The following FAM9C variants were observed in gnomAD, a reference collection of about 807,000 sequenced individuals.
FAM9C encodes the protein family with sequence similarity 9 member C.
Under a neutral mutation model 14.8 loss-of-function variants are expected in FAM9C, and 15 were observed. That is an observed-to-expected ratio of 1.02 (90% CI 0.68 to 1.56). The LOEUF (loss-of-function observed/expected upper bound fraction) is 1.56, where lower values mean the gene tolerates loss of function less well. FAM9C is among the 40% of genes most tolerant of loss of function. The probability of loss-of-function intolerance (pLI) is 0.00; values close to 1 mark genes in which losing one functional copy is unlikely to be tolerated. For missense variants in FAM9C, 116 were observed against 118.0 expected (o/e 0.98, Z 0.08); for synonymous variants, 45 against 37.5 (o/e 1.20, Z -0.74).
At chrX:13,038,240 G>T in intron 7 of FAM9C, 176 bp downstream of exon 7, 1 of 336,550 alleles carries the variant, frequency 3.0e-6, no homozygotes, top group Non-Finnish European at 5.1e-6. Context: ...GTTATTTTAT[G>T]TTATTTACTA....
chrX:13,038,469 T>C lies in FAM9C; in HGVS notation c.473A>G (p.Gln158Arg). The C allele has an allele frequency of 8.3e-7, 1 of 1,207,532 alleles. No homozygotes were observed. Among genetic ancestry groups the C allele is most frequent in the African/African-American group, 1.7e-5 (1 of 57,739 alleles). The change falls in exon 7 of 8, where the codon CAA (glutamine) becomes CGA (arginine). Residue 158 changes from glutamine (Q) to arginine (R), a missense_variant. Transcript: ENST00000380625. Reference sequence around the variant, plus strand: ...ATCTCTTTCAGTTCCTTTCCCATCTTGTTGCCACCTCTTTTGTTGCTCTTG... The same window carrying C: ...ATCTCTTTCAGTTCCTTTCCCATCTCGTTGCCACCTCTTTTGTTGCTCTTG... Reference protein sequence around the residue: ...IFQEQQKRWQQDGKGTERD With the variant: ...IFQEQQKRWQRDGKGTERD
chrX:13,039,470 C>T (rs1317251724), intron 6 of FAM9C, among the ~76,000 whole-genome samples: 1 of 111,616 alleles, frequency 9.0e-6, no homozygotes, highest in African/African-American at 3.3e-5. Context: ...ATTCCACAGC[C>T]AGTCATCATA....
At chrX:13,038,231 T>C (rs1336300877) in intron 7 of FAM9C, 185 bp downstream of exon 7, 3 of 326,263 alleles carry the variant, frequency 9.2e-6, no homozygotes, top group Non-Finnish European at 1.6e-5. Context: ...CTGTTTTATG[T>C]TATTTTATGT....
At chrX:13,043,995 C>T (rs2043552588) in intron 1 of FAM9C, 138 bp from the exon 2 acceptor site, 1 of 434,385 alleles carries the variant, frequency 2.3e-6, no homozygotes, top group South Asian at 3.3e-5. Flanking sequence ...CCATCATCCC[C>T]TCCTGTCCTG....
chrX:13,044,320 G>GCCCCC (rs1555915122), intron 1 of FAM9C, among the ~76,000 whole-genome samples: 1 of 52,472 alleles, frequency 1.9e-5, no homozygotes, highest in African/African-American at 6.7e-5. Context: ...TTGACCCCCC[G>GCCCCC]ACCCCCCCCC....
At chrX:13,040,272 C>CA in intron 5 of FAM9C, 4 of 747,129 alleles carry the variant, frequency 5.4e-6, no homozygotes, top group Non-Finnish European at 6.3e-6. Flanking sequence ...ATATCATAGC[C>CA]ATTCATCCCG....
chrX:13,040,092 CCTTCCTAACTGACTACTAGAGCAGCTAT>C (rs1456040261), intron 5 of FAM9C, among the ~76,000 whole-genome samples, 176 bp from the exon 6 acceptor site: 2 of 112,064 alleles, frequency 1.8e-5, no homozygotes, highest in African/African-American at 6.5e-5. Context: ...TGAAAGGATC[CCTTCCTAACTGACTACTAGAGCAGCTAT>C]CTTACATTCT....
At position 13,043,223 on chromosome X, in the gene FAM9C, A is replaced by G. The variant is rs2043543032; in HGVS notation, c.87T>C (p.His29=). The G allele has an allele frequency of 3.3e-6, 4 of 1,206,941 alleles. No homozygotes were observed. Among genetic ancestry groups the G allele is most frequent in the Non-Finnish European group, 4.5e-6 (4 of 894,040 alleles). Residue 29 remains histidine (H), a synonymous_variant, in exon 3 of 8, where the codon CAT becomes CAC. Coordinates refer to ENST00000380625, the MANE Select transcript of FAM9C (RefSeq NM_174901.6). ...TCTCTGTAACAGGTTTTCTTTCCTCATGCTCATGACTTACTGGATCCTTTC... is the reference window on the plus strand; with the variant it reads ...TCTCTGTAACAGGTTTTCTTTCCTCGTGCTCATGACTTACTGGATCCTTTC... ...LAGKDPVSHE[H]EERKPVTETK...
At chrX:13,044,494 G>A (rs749521393) in intron 1 of FAM9C, 46 bp downstream of exon 1, 3 of 111,471 alleles carry the variant, frequency 2.7e-5, no homozygotes, top group Non-Finnish European at 5.7e-5. Flanking sequence ...CTTCCCCAAA[G>A]GGCCTCTGGC....
At chrX:13,039,592 C>T (rs779380187) in intron 6 of FAM9C, among the ~76,000 whole-genome samples, 243 of 111,961 alleles carry the variant, frequency 2.2e-3, no homozygotes, top group African/African-American at 7.6e-3. Flanking sequence ...AATATGCCAA[C>T]TGAGTTCACT....
chrX:13,038,521 A>G lies in FAM9C; in HGVS notation c.439-18T>C, dbSNP rs1157020892. 8.5e-7 allele frequency: 1 copy of G among 1,178,001 alleles called. No homozygotes were observed. Among genetic ancestry groups the G allele is most frequent in the Non-Finnish European group, 1.1e-6 (1 of 873,138 alleles). On this transcript the variant is annotated intron_variant, in intron 6 of 7. Transcript: ENST00000380625. ...AATATTTTCTAGAGGCACAAAACAA[A>G]AAAGTGATTAAAATTGGGTAAATTT...
chrX:13,040,059 G>A, intron 5 of FAM9C, 143 bp from the exon 6 acceptor site: 1 of 508,354 alleles, frequency 2.0e-6, no homozygotes, highest in Non-Finnish European at 3.0e-6. Flanking sequence ...TTTGGGAAAA[G>A]GTGAAATGAG....
At chrX:13,044,321 A>ACCCCCCCCCCCCCCCCCC (rs748879259) in intron 1 of FAM9C, among the ~76,000 whole-genome samples, 2 of 76,846 alleles carry the variant, frequency 2.6e-5, no homozygotes, top group Admixed American at 1.5e-4. Context: ...TGACCCCCCG[A>ACCCCCCCCCCCCCCCCCC]CCCCCCCCCA....
chrX:13,043,158 C>T lies in FAM9C; in HGVS notation c.152G>A (p.Gly51Glu), dbSNP rs2043542186. ...GDVTDEHGER[G>E]SFAETDEHTG... ...GTGTTCATCTGTTTCAGCAAAAGAT[C>T]CTCTTTCCCCATGCTCATCAGTTAC... Residue 51 changes from glycine (G) to glutamate (E), a missense_variant, in exon 3 of 8, where the codon GGA (glycine) becomes GAA (glutamate). By Grantham distance (98) the Gly-to-Glu change is moderately conservative. Coordinates refer to ENST00000380625, the MANE Select transcript of FAM9C (RefSeq NM_174901.6). The T allele has an allele frequency of 1.7e-6, 2 of 1,210,285 alleles. No individual in the cohort carries two copies. Among genetic ancestry groups the T allele is most frequent in the Non-Finnish European group, 2.2e-6 (2 of 895,006 alleles).
intron 4 of FAM9C, chrX:13,042,055 TA>T (rs1309631954): frequency 1.8e-5 from 2 of 112,536 alleles, no homozygotes. Context: ...GTAAGCTTTT[TA>T]AAAATAAGAG....
Position 13,043,122 on chromosome X carries a change from CTT to C in FAM9C, c.182+4_182+5del, listed in dbSNP as rs748743404. 6.6e-6 allele frequency: 8 copies of C among 1,203,977 alleles called. No homozygotes were observed. The East Asian group carries it at 2.4e-4, about 36-fold the overall frequency. On this transcript the variant is annotated splice_donor_5th_base_variant and intron_variant, in intron 3 of 7. Coordinates refer to ENST00000380625, the MANE Select transcript of FAM9C (RefSeq NM_174901.6). ...CTGACAGGCAAAAGGGACTTAAACA[CTT>C]TACCCCGTGTGTTCATCTGTTTCAG...
chrX:13,043,010 G>A, intron 3 of FAM9C, 61 bp from the exon 4 acceptor site: 1 of 1,163,814 alleles, frequency 8.6e-7, no homozygotes, highest in Admixed American at 2.6e-5. Flanking sequence ...CTTGTTTGTT[G>A]GGAAGAAATG....
chrX:13,036,240 A>T (rs1337549240), intron 7 of FAM9C: 1 of 112,465 alleles, frequency 8.9e-6, no homozygotes, highest in Admixed American at 9.4e-5. Context: ...TAAAACAAAA[A>T]GTCTAGTTCA....
At chrX:13,039,439 G>T (rs2043507051) in intron 6 of FAM9C, among the ~76,000 whole-genome samples, 1 of 111,275 alleles carries the variant, frequency 9.0e-6, no homozygotes, top group African/African-American at 3.3e-5. Context: ...CATGTGCTCA[G>T]GTAACTCAGC....
Sources: allele counts gnomAD v4.1 joint callset (sites outside exome capture counted in the v4.1 genomes callset), GRCh38; gene constraint gnomAD v4.1.1; transcripts MANE v1.5; gene names NCBI Gene and HGNC (gene_info 2026-07-23, HGNC 2026-07-21).